The following ERBB4 variants were observed in gnomAD, a reference collection of about 807,000 sequenced individuals.
The protein encoded by ERBB4 is erb-b2 receptor tyrosine kinase 4.
Under a neutral mutation model 158.0 loss-of-function variants are expected in ERBB4, and 42 were observed. The ratio of observed to expected loss-of-function variants is 0.27; its 90% CI spans 0.21 to 0.34. ERBB4 has a LOEUF of 0.34. Among genes scored for constraint, ERBB4 ranks in the 10% least tolerant of loss-of-function variants. The pLI, the probability that ERBB4 is intolerant of heterozygous loss-of-function variation, is 1.00. For synonymous variants in ERBB4, 583 were observed against 558.7 expected, an observed-to-expected ratio of 1.04 and a Z score of -0.61; for missense variants, 1,333 against 1,624.1, an observed-to-expected ratio of 0.82 and a Z score of 3.08.
chr2:211,602,237 C>T (rs1276186842), intron 19 of ERBB4, among the ~76,000 whole-genome samples: 1 of 152,072 alleles, frequency 6.6e-6, no homozygotes, highest in African/African-American at 2.4e-5. Flanking sequence ...GATAACCTTC[C>T]CATAGTTCTT....
intron 19 of ERBB4, among the ~76,000 whole-genome samples, chr2:211,588,346 T>C (rs2068352543): frequency 6.6e-6 from 1 of 152,098 alleles, no homozygotes; most frequent in Non-Finnish European, 1.5e-5. Context: ...GCATGAACAC[T>C]TCAAAAAATA....
chr2:211,892,733 T>A (rs1393785510), intron 3 of ERBB4, among the ~76,000 whole-genome samples: 6 of 145,022 alleles, frequency 4.1e-5, no homozygotes, highest in Non-Finnish European at 9.0e-5. Context: ...AAAATCAATG[T>A]ACAAAATTCA....
At chr2:211,922,974 G>A (rs551368695) in intron 3 of ERBB4, among the ~76,000 whole-genome samples, 1 of 152,288 alleles carries the variant, frequency 6.6e-6, no homozygotes, top group South Asian at 2.1e-4. Flanking sequence ...AATAGATGAA[G>A]TGGTTTGGAG....
At chr2:211,993,252 T>G (rs2082121832) in intron 2 of ERBB4, among the ~76,000 whole-genome samples, 1 of 152,132 alleles carries the variant, frequency 6.6e-6, no homozygotes, top group South Asian at 2.1e-4. Context: ...GATTGATGTC[T>G]TTACAAGAAG....
chr2:212,517,262 A>G (rs1250737474), intron 1 of ERBB4, among the ~76,000 whole-genome samples: 2 of 152,128 alleles, frequency 1.3e-5, no homozygotes, highest in Non-Finnish European at 2.9e-5. Flanking sequence ...AATGTGAAGT[A>G]GATGATATTG....
intron 1 of ERBB4, among the ~76,000 whole-genome samples, chr2:212,202,920 T>G (rs982496690): frequency 5.9e-5 from 9 of 151,796 alleles, no homozygotes; most frequent in African/African-American, 1.9e-4. Flanking sequence ...GCTAATTATA[T>G]TAATAGTATT....
chr2:212,307,380 A>AG (rs1476962048), intron 1 of ERBB4, among the ~76,000 whole-genome samples: 2 of 150,886 alleles, frequency 1.3e-5, no homozygotes, highest in African/African-American at 4.8e-5. Context: ...GGCAAAAAAA[A>AG]AAGAGGAAAT....
intron 27 of ERBB4, 141 bp downstream of exon 27, chr2:211,386,712 T>C (rs2062691820): frequency 1.4e-6 from 1 of 734,768 alleles, no homozygotes; most frequent in Non-Finnish European, 2.4e-6. Context: ...GGGACCATAC[T>C]ACAAGTAGCA....
chr2:212,328,585 A>C (rs1208770809), intron 1 of ERBB4, among the ~76,000 whole-genome samples: 6 of 152,076 alleles, frequency 3.9e-5, no homozygotes, highest in African/African-American at 1.4e-4. Context: ...CAGAGGATTC[A>C]GAAAGGTCTA....
At chr2:211,773,629 T>TATA (rs1553630469) in intron 4 of ERBB4, among the ~76,000 whole-genome samples, 9 of 51,078 alleles carry the variant, frequency 1.8e-4, no homozygotes, top group South Asian at 4.9e-4. Context: ...TATATATATA[T>TATA]ATATATATAT....
intron 14 of ERBB4, among the ~76,000 whole-genome samples, chr2:211,670,237 T>C (rs967257712): frequency 3.3e-5 from 5 of 152,144 alleles, no homozygotes; most frequent in Non-Finnish European, 7.4e-5. Flanking sequence ...AAAAACCTAA[T>C]ATGAATCATT....
At chr2:212,214,799 G>T (rs573055610) in intron 1 of ERBB4, among the ~76,000 whole-genome samples, 23 of 151,638 alleles carry the variant, frequency 1.5e-4, no homozygotes, top group African/African-American at 5.3e-4. Flanking sequence ...CAAAATACAC[G>T]TACACAATGT....
intron 1 of ERBB4, among the ~76,000 whole-genome samples, chr2:212,213,938 C>T (rs1427383005): frequency 6.6e-6 from 1 of 151,762 alleles, no homozygotes; most frequent in Admixed American, 6.6e-5. Context: ...AGGTTAATCC[C>T]TTTGTTATAC....
At chr2:211,529,786 A>G (rs569191415) in intron 20 of ERBB4, among the ~76,000 whole-genome samples, 2 of 152,308 alleles carry the variant, frequency 1.3e-5, no homozygotes, top group African/African-American at 4.8e-5. Flanking sequence ...AGTGTTTGAT[A>G]AAATTCAAAA....
At chr2:212,348,680 C>A (rs1397596092) in intron 1 of ERBB4, among the ~76,000 whole-genome samples, 1 of 152,084 alleles carries the variant, frequency 6.6e-6, no homozygotes, top group African/African-American at 2.4e-5. Flanking sequence ...ATGCCTAGGG[C>A]CACCGTGTAC....
At chr2:212,354,208 G>A (rs1317966165) in intron 1 of ERBB4, among the ~76,000 whole-genome samples, 2 of 152,062 alleles carry the variant, frequency 1.3e-5, no homozygotes, top group African/African-American at 2.4e-5. Context: ...GTATAAGTGA[G>A]GTTTAAAGCA....
At chr2:211,514,928 CCT>C (rs2065984144) in intron 20 of ERBB4, among the ~76,000 whole-genome samples, 1 of 152,040 alleles carries the variant, frequency 6.6e-6, no homozygotes, top group African/African-American at 2.4e-5. Context: ...AGATGCTCAA[CCT>C]GTACTAAAAT....
At chr2:212,521,380 C>G (rs1692153495) in intron 1 of ERBB4, among the ~76,000 whole-genome samples, 1 of 151,806 alleles carries the variant, frequency 6.6e-6, no homozygotes, top group African/African-American at 2.4e-5. Flanking sequence ...AAATAGTCTA[C>G]TTAAAGTTCT....
At chr2:211,854,192 A>G (rs2077792160) in intron 3 of ERBB4, among the ~76,000 whole-genome samples, 1 of 152,122 alleles carries the variant, frequency 6.6e-6, no homozygotes, top group Admixed American at 6.6e-5. Context: ...GATGATTATT[A>G]GGATAGTTTT....
Sources: gnomAD v4.1 joint callset for allele counts (sites outside exome capture counted in the v4.1 genomes callset) on GRCh38, gnomAD v4.1.1 for gene constraint, MANE v1.5 for transcripts, NCBI Gene and HGNC (gene_info 2026-07-23, HGNC 2026-07-21) for gene names.